Variants in SYNE1 observed in about 807,000 individuals in gnomAD.
SYNE1 encodes nesprin-1.
In SYNE1, 616 loss-of-function variants were observed where a neutral mutation model predicts 1,111.0. The observed-to-expected ratio is 0.55, with a 90% CI of 0.52 to 0.59. The LOEUF (loss-of-function observed/expected upper bound fraction) is 0.59. Among genes scored for constraint, SYNE1 ranks in the 20% least tolerant of loss-of-function variants. SYNE1 has a pLI of 0.00. For missense variants in SYNE1, 10,006 were observed against 10,417.0 expected, an observed-to-expected ratio of 0.96 and a Z score of 1.72; for synonymous variants, 3,855 against 3,825.8, an observed-to-expected ratio of 1.01 and a Z score of -0.28.
intron 98 of SYNE1, among the ~76,000 whole-genome samples, chr6:152,275,144 C>T (rs915011627): frequency 1.3e-5 from 2 of 152,106 alleles, no homozygotes; most frequent in African/African-American, 4.8e-5. Context: ...TGGGCTCAAG[C>T]AATTCTCCCT....
At chr6:152,440,252 A>G (rs190929527) in intron 32 of SYNE1, among the ~76,000 whole-genome samples, 1 of 152,254 alleles carries the variant, frequency 6.6e-6, no homozygotes, top group African/African-American at 2.4e-5. Flanking sequence ...ACTTTCAGTC[A>G]CTTTTCTACA....
chr6:152,412,358 AG>A (rs2098074585), intron 42 of SYNE1, among the ~76,000 whole-genome samples: 3 of 151,250 alleles, frequency 2.0e-5, no homozygotes, highest in South Asian at 4.2e-4. Flanking sequence ...TGGGAGGTGG[AG>A]CTTGCAGCGA....
At chr6:152,318,759 T>TA (rs1282026620) in intron 85 of SYNE1, 104 bp downstream of exon 85, 2 of 1,429,984 alleles carry the variant, frequency 1.4e-6, no homozygotes, top group South Asian at 1.3e-5. Flanking sequence ...TATTTGGTTT[T>TA]AAAAAAGGTT....
intron 81 of SYNE1, 83 bp from the exon 82 acceptor site, chr6:152,323,820 A>G: frequency 1.4e-6 from 2 of 1,469,826 alleles, no homozygotes; most frequent in Non-Finnish European, 1.9e-6. Context: ...GCCACACACT[A>G]GTGTATGAAG....
intron 78 of SYNE1, among the ~76,000 whole-genome samples, chr6:152,327,866 G>T (rs1350826656): frequency 6.6e-6 from 1 of 152,062 alleles, no homozygotes; most frequent in African/African-American, 2.4e-5. Context: ...TACTAATAGC[G>T]CTAGAAAAAT....
chr6:152,428,398 A>T lies in SYNE1; in HGVS notation c.4789-6T>A. The stretch of plus-strand genomic sequence containing the variant: ...TCCAGGGCCTGGCAGAGATCCTAAG[A>T]AGAGTGCGAGAAGAATGCAGTGAAA... On this transcript the variant is annotated splice_region_variant and splice_polypyrimidine_tract_variant and intron_variant, in intron 36 of 145. Coordinates refer to ENST00000367255, the MANE Select transcript of SYNE1 (RefSeq NM_182961.4). 1 of 1,613,256 alleles carries T rather than the reference A, an allele frequency of 6.2e-7. No individual in the cohort carries two copies. The highest frequency in any genetic ancestry group is 1.7e-5 in the Admixed American group (1 of 60,016).
At chr6:152,563,145 G>A (rs1038817996) in intron 3 of SYNE1, among the ~76,000 whole-genome samples, 1 of 151,734 alleles carries the variant, frequency 6.6e-6, no homozygotes, top group Non-Finnish European at 1.5e-5. Context: ...TATCATACCC[G>A]GAGTCTTGTA....
In SYNE1 at chr6:152,208,130, C is replaced by T. The variant is rs2076860281; in HGVS notation, c.22666G>A (p.Gly7556Arg). Residue 7556 changes from glycine to arginine, a missense_variant, in exon 125 of 146, where the codon GGG becomes AGG. Gly to Arg is a moderately radical substitution (Grantham distance 125). Around this residue, in one of 7 missense-constraint regions of SYNE1, gnomAD observed 2,182 missense variants for 2,287.8 expected, o/e 0.95. Coordinates refer to ENST00000367255, the MANE Select transcript of SYNE1 (RefSeq NM_182961.4). ...GVIRRAQQRR[G>R]IIDSQIRQWQ... ...TGGCGAATCTGGCTGTCAATGATCC[C>T]CCGCCTCTGCTGGGCCCTGCGAATC... 1 of 1,614,136 alleles carries T rather than the reference C, an allele frequency of 6.2e-7. No individual in the cohort carries two copies. Among genetic ancestry groups the T allele is most frequent in the Non-Finnish European group, 8.5e-7 (1 of 1,180,034 alleles).
intron 115 of SYNE1, among the ~76,000 whole-genome samples, chr6:152,228,609 G>T (rs2082100317): frequency 6.6e-6 from 1 of 152,182 alleles, no homozygotes; most frequent in Non-Finnish European, 1.5e-5. Context: ...TATTAATGTG[G>T]TATTTCAGTC....
chr6:152,151,422 C>T, intron 135 of SYNE1, 131 bp downstream of exon 135: 2 of 1,099,824 alleles, frequency 1.8e-6, no homozygotes, highest in Non-Finnish European at 2.6e-6. Flanking sequence ...TTTACATTTT[C>T]TGAATTTTTT....
At chr6:152,350,946 C>A (rs2096731514) in intron 70 of SYNE1, among the ~76,000 whole-genome samples, 176 bp from the exon 71 acceptor site, 1 of 152,184 alleles carries the variant, frequency 6.6e-6, no homozygotes, top group East Asian at 1.9e-4. Context: ...AATACAGTTT[C>A]TAAATACAAC....
chr6:152,419,846 C>A (rs2098225911), intron 39 of SYNE1, 124 bp from the exon 40 acceptor site: 9 of 942,976 alleles, frequency 9.5e-6, no homozygotes, highest in Non-Finnish European at 1.5e-5. Context: ...ACACTCTATA[C>A]CTCTTGATAT....
chr6:152,202,901 A>G (rs1428260553), intron 126 of SYNE1, among the ~76,000 whole-genome samples: 6 of 152,232 alleles, frequency 3.9e-5, no homozygotes, highest in African/African-American at 1.4e-4. Context: ...AATGTGTAAT[A>G]TATAAAAACC....
intron 117 of SYNE1, among the ~76,000 whole-genome samples, chr6:152,224,133 A>T (rs148924795): frequency 1.3e-5 from 2 of 152,220 alleles, no homozygotes; most frequent in African/African-American, 2.4e-5. Flanking sequence ...TCTTTTGAAC[A>T]TTCCTTAGAA....
intron 3 of SYNE1, among the ~76,000 whole-genome samples, chr6:152,610,585 A>T (rs2099628419): frequency 6.6e-6 from 1 of 152,198 alleles, no homozygotes; most frequent in African/African-American, 2.4e-5. Flanking sequence ...GATATTATCC[A>T]GGAGAACTTA....
chr6:152,370,107 AG>A (rs1452846179), intron 59 of SYNE1, among the ~76,000 whole-genome samples: 3 of 150,802 alleles, frequency 2.0e-5, no homozygotes, highest in Admixed American at 1.3e-4. Context: ...AGAACTTTTT[AG>A]GGTTCTCCTT....
intron 56 of SYNE1, among the ~76,000 whole-genome samples, chr6:152,377,608 T>TAAAAA (rs869031827): frequency 6.4e-5 from 2 of 31,366 alleles, no homozygotes; most frequent in Non-Finnish European, 1.2e-4. Context: ...AACTCCGTCT[T>TAAAAA]AAAAAAAAAA....
chr6:152,509,894 T>C (rs1032958975), intron 8 of SYNE1, among the ~76,000 whole-genome samples: 6 of 152,344 alleles, frequency 3.9e-5, no homozygotes, highest in Non-Finnish European at 7.3e-5. Flanking sequence ...GCAGAAACTC[T>C]AAACAATGAC....
intron 135 of SYNE1, among the ~76,000 whole-genome samples, 184 bp from the exon 136 acceptor site, chr6:152,149,852 G>T (rs2060113362): frequency 6.6e-6 from 1 of 152,138 alleles, no homozygotes; most frequent in Non-Finnish European, 1.5e-5. Flanking sequence ...TTTTCAGCCA[G>T]AACAGGAGTC....
Sources: gnomAD v4.1 joint callset for allele counts (sites outside exome capture counted in the v4.1 genomes callset) on GRCh38, gnomAD v4.1.1 for gene constraint, gnomAD v4.1.1 regional missense constraint, MANE v1.5 for transcripts, NCBI Gene and HGNC (gene_info 2026-07-23, HGNC 2026-07-21) for gene names.